SV2C: variants seen among roughly 807,000 people sequenced by gnomAD.
The protein encoded by SV2C is synaptic vesicle glycoprotein 2C, also known as solute carrier family 22 member B3.
SV2C carries 49 observed loss-of-function variants against 79.7 expected under a neutral mutation model. That is an observed-to-expected ratio of 0.61 (90% CI 0.49 to 0.78). The LOEUF is 0.78. Among genes scored for constraint, SV2C ranks in the 30% least tolerant of loss-of-function variants. The pLI is 0.00. For missense variants in SV2C, 833 were observed against 912.9 expected (o/e 0.91, Z 1.13); for synonymous variants, 334 against 333.2 (o/e 1.00, Z -0.03).
chr5:75,995,975 G>C, the SV2C span, among the ~76,000 whole-genome samples: 4 of 152,108 alleles, frequency 2.6e-5, no homozygotes. Flanking sequence ...GAAAACAACA[G>C]AGCCAACTCA....
chr5:75,911,920 C>T, the SV2C span: 1 of 476,002 alleles, frequency 2.1e-6, no homozygotes, highest in African/African-American at 2.0e-5. Flanking sequence ...CAAAGAAGCT[C>T]TTCAACCAGA....
chr5:75,866,920 T>C, the SV2C span, among the ~76,000 whole-genome samples: 1 of 152,138 alleles, frequency 6.6e-6, no homozygotes, highest in Non-Finnish European at 1.5e-5. Context: ...GTGGAGGAAA[T>C]GACAGGGCTT....
chr5:76,339,584 G>C (rs187760352), intron 12 of SV2C, among the ~76,000 whole-genome samples: 1 of 151,884 alleles, frequency 6.6e-6, no homozygotes, highest in African/African-American at 2.4e-5. Flanking sequence ...TGTGGTGGTG[G>C]GCACCTGTAG....
chr5:76,027,016 G>C, the SV2C span, among the ~76,000 whole-genome samples: 1 of 150,954 alleles, frequency 6.6e-6, no homozygotes, highest in African/African-American at 2.4e-5. Flanking sequence ...AAGTCAATTT[G>C]GGTAAACTTT....
intron 2 of SV2C, among the ~76,000 whole-genome samples, chr5:76,193,148 T>C (rs974412697): frequency 2.0e-5 from 3 of 152,190 alleles, no homozygotes; most frequent in Non-Finnish European, 2.9e-5. Context: ...GGAAAAAAAT[T>C]TGGATGACTT....
At chr5:76,317,851 CT>C (rs1171924953) in intron 12 of SV2C, among the ~76,000 whole-genome samples, 1 of 151,820 alleles carries the variant, frequency 6.6e-6, no homozygotes, top group African/African-American at 2.4e-5. Flanking sequence ...CTTAATTGTT[CT>C]TTTCTAATAA....
chr5:76,210,027 G>GT, intron 4 of SV2C, 140 bp downstream of exon 4: 1 of 1,050,678 alleles, frequency 9.5e-7, no homozygotes. Flanking sequence ...GTGTCCAGGA[G>GT]TTTTTCCCCT....
chr5:76,303,658 A>C (rs1748088287), intron 12 of SV2C, among the ~76,000 whole-genome samples: 1 of 152,162 alleles, frequency 6.6e-6, no homozygotes, highest in African/African-American at 2.4e-5. Flanking sequence ...AAAGACCCTC[A>C]TAAATTGAAA....
chr5:76,228,778 A>G (rs1745327695), intron 4 of SV2C, among the ~76,000 whole-genome samples: 1 of 144,474 alleles, frequency 6.9e-6, no homozygotes, highest in African/African-American at 2.8e-5. Flanking sequence ...CAACTCTTCT[A>G]TGAAGTACGC....
At chr5:76,203,309 A>T (rs1744508725) in intron 3 of SV2C, among the ~76,000 whole-genome samples, 1 of 149,182 alleles carries the variant, frequency 6.7e-6, no homozygotes, top group South Asian at 2.2e-4. Flanking sequence ...GGGTGGATAG[A>T]GGGATAATGG....
chr5:76,114,584 C>G (rs551946813), intron 1 of SV2C, among the ~76,000 whole-genome samples: 1 of 152,352 alleles, frequency 6.6e-6, no homozygotes, highest in Non-Finnish European at 1.5e-5. Flanking sequence ...CATTAAAACT[C>G]TGCAAGTATG....
intron 12 of SV2C, among the ~76,000 whole-genome samples, chr5:76,352,069 T>TG (rs1378708219): frequency 1.3e-5 from 2 of 151,974 alleles, no homozygotes; most frequent in African/African-American, 2.4e-5. Flanking sequence ...AAAAATTAGC[T>TG]GGGCATGGTG....
chr5:76,103,776 C>A (rs1201823864), intron 1 of SV2C, among the ~76,000 whole-genome samples: 1 of 152,166 alleles, frequency 6.6e-6, no homozygotes, highest in Non-Finnish European at 1.5e-5. Flanking sequence ...CTGATGAATT[C>A]TGCTAAACAT....
chr5:75,875,051 AAAC>A, the SV2C span, among the ~76,000 whole-genome samples: 8 of 152,114 alleles, frequency 5.3e-5, no homozygotes, highest in Non-Finnish European at 8.8e-5. Context: ...AACAAACCAA[AAAC>A]AACAACAGCA....
chr5:76,132,093 G>T lies in SV2C; in HGVS notation c.343G>T (p.Asp115Tyr), dbSNP rs149119749. 6.2e-6 allele frequency: 10 copies of T among 1,613,522 alleles called. No individual in the cohort carries two copies. The highest frequency in any genetic ancestry group is 7.6e-6 in the Non-Finnish European group (9 of 1,179,664). ...CGTGTCAGTGGGGCAGCCCAAGGGC[G>T]ATGAGTACAAGGACCGGCGGGAGCT... The part of the protein sequence containing the change: ...SIVSVGQPKG[D>Y]EYKDRRELES... Residue 115 changes from aspartate (D) to tyrosine (Y), a missense_variant, in exon 2 of 13, where the codon GAT becomes TAT. Coordinates refer to ENST00000502798, the MANE Select transcript of SV2C (RefSeq NM_014979.4).
chr5:76,152,446 T>C (rs1358656655), intron 2 of SV2C, among the ~76,000 whole-genome samples: 1 of 152,202 alleles, frequency 6.6e-6, no homozygotes. Context: ...GGTATGTATA[T>C]ATAGGAGATA....
intron 12 of SV2C, among the ~76,000 whole-genome samples, chr5:76,302,563 G>A (rs2112527832): frequency 6.7e-6 from 1 of 149,172 alleles, no homozygotes; most frequent in East Asian, 2.0e-4. Context: ...CTGGGAGGCG[G>A]AGGTTGCAGT....
chr5:76,049,369 C>T, the SV2C span, among the ~76,000 whole-genome samples: 2 of 151,260 alleles, frequency 1.3e-5, no homozygotes, highest in Non-Finnish European at 2.9e-5. Context: ...GTATCCAAGG[C>T]TACTATGCAG....
At chr5:75,984,598 C>CCTATCTATCTATCTATCTAT in the SV2C span, among the ~76,000 whole-genome samples, 33 of 82,520 alleles carry the variant, frequency 4.0e-4, no homozygotes, top group African/African-American at 1.3e-3. Context: ...TATCTATCTA[C>CCTATCTATCTATCTATCTAT]CTATCTATCT....
Sources: allele counts gnomAD v4.1 joint callset (sites outside exome capture counted in the v4.1 genomes callset), GRCh38; gene constraint gnomAD v4.1.1; transcripts MANE v1.5; gene names NCBI Gene and HGNC (gene_info 2026-07-23, HGNC 2026-07-21).